SEMA4F: variants seen among roughly 807,000 people sequenced by gnomAD.
The protein encoded by SEMA4F is ssemaphorin 4F.
Under a neutral mutation model 78.4 loss-of-function variants are expected in SEMA4F, and 51 were observed. The ratio of observed to expected loss-of-function variants is 0.65; its 90% CI spans 0.52 to 0.82. The LOEUF is 0.82. Among genes scored for constraint, SEMA4F ranks in the 40% least tolerant of loss-of-function variants. The probability of loss-of-function intolerance (pLI) is 0.00; values close to 1 mark genes in which losing one functional copy is unlikely to be tolerated. For missense variants in SEMA4F, 938 were observed against 1,014.4 expected, an observed-to-expected ratio of 0.92 and a Z score of 1.02; for synonymous variants, 418 against 408.7, an observed-to-expected ratio of 1.02 and a Z score of -0.27.
intron 7 of SEMA4F, 64 bp downstream of exon 7, chr2:74,673,892 T>C: frequency 1.9e-6 from 3 of 1,540,084 alleles, no homozygotes; most frequent in Non-Finnish European, 2.6e-6. Flanking sequence ...GTCTTATCTT[T>C]TCCTCTTTGG....
intron 4 of SEMA4F, among the ~76,000 whole-genome samples, chr2:74,661,327 ACTATTTT>A (rs1332440649): frequency 1.3e-5 from 2 of 152,218 alleles, no homozygotes; most frequent in Non-Finnish European, 2.9e-5. Context: ...GCAATGGTGG[ACTATTTT>A]CTCATTCTCT....
the SEMA4F span, among the ~76,000 whole-genome samples, chr2:74,696,238 C>G: frequency 6.8e-6 from 1 of 146,180 alleles, no homozygotes; most frequent in African/African-American, 2.6e-5. Flanking sequence ...CTCTTTCGCC[C>G]AGGCTGGAGT....
intron 4 of SEMA4F, among the ~76,000 whole-genome samples, chr2:74,662,396 A>G (rs149414021): frequency 1.3e-5 from 2 of 152,278 alleles, no homozygotes; most frequent in Non-Finnish European, 2.9e-5. Flanking sequence ...CCTACAGTTC[A>G]GCAGTGTTTC....
chr2:74,682,527 C>G lies in SEMA4F; in HGVS notation c.*2318C>G, dbSNP rs1429987033. 6.6e-6 allele frequency: 1 copy of G among 152,124 alleles called. No homozygotes were observed. The highest frequency in any genetic ancestry group is 2.4e-5 in the African/African-American group (1 of 41,384). 9.4% of individuals were successfully genotyped at this position (152,124 alleles called of 1,614,324 possible). On this transcript the variant is annotated 3_prime_UTR_variant, in exon 14 of 14. Coordinates refer to ENST00000357877, the MANE Select transcript of SEMA4F (RefSeq NM_004263.5). ...TGTTCTGGGTCACCTCTGGACAGCT[C>G]ATAGCTGCTGGTTTCTAGGTTTTAG...
In SEMA4F at chr2:74,676,037, C is replaced by T. The variant is rs914189738; in HGVS notation, c.1643+128C>T. 15 of 962,694 alleles carry T rather than the reference C, an allele frequency of 1.6e-5. No homozygotes were observed. The South Asian group carries it at 2.6e-4, about 17-fold the overall frequency. 59.6% of individuals were successfully genotyped at this position (962,694 alleles called of 1,614,324 possible). Reference sequence around the variant, plus strand: ...TTCTTTTTCTGTCTGTTAGTGTCTACATCACTCGTGTGTCCTTCTGTCAGT... The same window carrying T: ...TTCTTTTTCTGTCTGTTAGTGTCTATATCACTCGTGTGTCCTTCTGTCAGT... On this transcript the variant is annotated intron_variant, in intron 12 of 13. Transcript: ENST00000357877.
In SEMA4F at chr2:74,662,826, G is replaced by A. The variant is rs1684495681; in HGVS notation, c.550+1G>A. On this transcript the variant is annotated splice_donor_variant, in intron 5 of 13. Coordinates refer to ENST00000357877, the MANE Select transcript of SEMA4F (RefSeq NM_004263.5). LOFTEE classifies it high-confidence loss of function. ...CAGCGGTCAGCAGCTGTAATGGCTG[G>A]TGAGTGGGGAGAGACAAGAACCTGT... 1.2e-6 allele frequency: 2 copies of A among 1,613,382 alleles called. No individual in the cohort carries two copies. The highest frequency in any genetic ancestry group is 2.7e-5 in the African/African-American group (2 of 74,918).
the SEMA4F span, among the ~76,000 whole-genome samples, chr2:74,702,049 G>A: frequency 0.28 from 42,670 of 152,026 alleles, 8,990 homozygotes; most frequent in East Asian, 0.82. Flanking sequence ...GGAACACTGA[G>A]ATCTCTCCAT....
chr2:74,664,309 A>G (rs927416304), intron 5 of SEMA4F, among the ~76,000 whole-genome samples: 4 of 152,252 alleles, frequency 2.6e-5, no homozygotes, highest in Non-Finnish European at 4.4e-5. Context: ...AATTCATTGT[A>G]AAGATAATGT....
At chr2:74,660,377 C>G (rs1412073906) in intron 4 of SEMA4F, among the ~76,000 whole-genome samples, 1 of 152,222 alleles carries the variant, frequency 6.6e-6, no homozygotes, top group East Asian at 1.9e-4. Flanking sequence ...GTTTCATGTA[C>G]TAGGAACCAT....
chr2:74,704,663 G>A, the SEMA4F span, among the ~76,000 whole-genome samples: 1 of 152,070 alleles, frequency 6.6e-6, no homozygotes, highest in African/African-American at 2.4e-5. Context: ...ACACAAGAGT[G>A]AGTGGAAACT....
the SEMA4F span, among the ~76,000 whole-genome samples, chr2:74,699,916 A>G: frequency 2.0e-5 from 3 of 152,152 alleles, no homozygotes; most frequent in Admixed American, 2.0e-4. Context: ...GAGTGAAGAC[A>G]ACTTTTTGAG....
At chr2:74,663,879 C>T (rs1436350921) in intron 5 of SEMA4F, among the ~76,000 whole-genome samples, 1 of 152,234 alleles carries the variant, frequency 6.6e-6, no homozygotes, top group East Asian at 1.9e-4. Flanking sequence ...TGTGTGTGCA[C>T]ACCCATGTAC....
At chr2:74,699,293 C>T in the SEMA4F span, among the ~76,000 whole-genome samples, 1 of 152,218 alleles carries the variant, frequency 6.6e-6, no homozygotes, top group Non-Finnish European at 1.5e-5. Context: ...TTGGGGTACA[C>T]ACAGAATATC....
the SEMA4F span, among the ~76,000 whole-genome samples, chr2:74,690,969 C>T: frequency 6.6e-6 from 1 of 152,196 alleles, no homozygotes; most frequent in East Asian, 1.9e-4. Flanking sequence ...ATTCTTTATT[C>T]CTTTCTGTAG....
rs746931746 is a variant in SEMA4F, at chr2:74,673,799, A to C, written c.793A>C (p.Lys265Gln). 5 of 1,614,138 alleles carry C rather than the reference A, an allele frequency of 3.1e-6. No homozygotes were observed. Among genetic ancestry groups the C allele is most frequent in the Non-Finnish European group, 4.2e-6 (5 of 1,180,010 alleles). The change falls in exon 7 of 14, where the codon AAA becomes CAA. Residue 265 changes from lysine (K) to glutamine (Q), a missense_variant. Lys to Gln is a moderately conservative substitution (Grantham distance 53). Transcript: ENST00000357877. ...AGCATTTGACTCATACGAGCGCATT[A>C]AAGTCCCACGGGTGGCCCGTGTGTG... Reference protein sequence around the residue: ...SRAFDSYERIKVPRVARVCAG... With the variant: ...SRAFDSYERIQVPRVARVCAG...
chr2:74,662,399 A>G (rs1482436141), intron 4 of SEMA4F, among the ~76,000 whole-genome samples: 1 of 152,156 alleles, frequency 6.6e-6, no homozygotes, highest in Non-Finnish European at 1.5e-5. Context: ...ACAGTTCAGC[A>G]GTGTTTCAGA....
the SEMA4F span, among the ~76,000 whole-genome samples, chr2:74,708,126 A>G: frequency 1.3e-5 from 2 of 151,660 alleles, no homozygotes; most frequent in East Asian, 1.9e-4. Context: ...ACTTCTCAGC[A>G]CCCTTGAAAA....
chr2:74,704,965 A>T, the SEMA4F span, among the ~76,000 whole-genome samples: 1 of 152,172 alleles, frequency 6.6e-6, no homozygotes, highest in African/African-American at 2.4e-5. Flanking sequence ...CATCAGTTTC[A>T]TGCAAATTAG....
chr2:74,672,043 CA>C (rs1168118310), intron 5 of SEMA4F, among the ~76,000 whole-genome samples: 1 of 152,210 alleles, frequency 6.6e-6, no homozygotes, highest in African/African-American at 2.4e-5. Flanking sequence ...TTTTAAAAAA[CA>C]AAACTGTTTA....
Sources: gnomAD v4.1 joint callset for allele counts (sites outside exome capture counted in the v4.1 genomes callset) on GRCh38, gnomAD v4.1.1 for gene constraint, MANE v1.5 for transcripts, NCBI Gene and HGNC (gene_info 2026-07-23, HGNC 2026-07-21) for gene names.